Variants in RAD51B observed in about 807,000 individuals in gnomAD.
RAD51B encodes the protein RAD51 paralog B.
In RAD51B, 38 loss-of-function variants were observed where a neutral mutation model predicts 42.2. That is an observed-to-expected ratio of 0.90 (90% CI 0.70 to 1.18). RAD51B has a LOEUF of 1.18. Among genes scored for constraint, RAD51B ranks in the 50% most tolerant of loss-of-function variants. The probability of loss-of-function intolerance (pLI) is 0.00; values close to 1 mark genes in which losing one functional copy is unlikely to be tolerated. For missense variants in RAD51B, 373 were observed against 400.7 expected (o/e 0.93, Z 0.59); for synonymous variants, 154 against 145.2 (o/e 1.06, Z -0.43).
At chr14:68,626,471 T>A (rs1892084412) in intron 10 of RAD51B, among the ~76,000 whole-genome samples, 1 of 152,230 alleles carries the variant, frequency 6.6e-6, no homozygotes, top group Non-Finnish European at 1.5e-5. Flanking sequence ...TCACTCAGGA[T>A]GTCTTGCAGT....
intron 10 of RAD51B, among the ~76,000 whole-genome samples, chr14:68,581,104 T>C (rs944840427): frequency 6.6e-6 from 1 of 152,214 alleles, no homozygotes; most frequent in African/African-American, 2.4e-5. Flanking sequence ...TCAGGGTTTC[T>C]TTATTAAGTA....
At chr14:68,085,817 C>T (rs931512234) in intron 7 of RAD51B, among the ~76,000 whole-genome samples, 2 of 152,166 alleles carry the variant, frequency 1.3e-5, no homozygotes, top group Admixed American at 6.5e-5. Flanking sequence ...CCTTGCAGGG[C>T]GTGCCACAGT....
intron 8 of RAD51B, among the ~76,000 whole-genome samples, chr14:68,408,425 G>T (rs1473318404): frequency 2.0e-5 from 3 of 152,190 alleles, no homozygotes; most frequent in Admixed American, 2.0e-4. Context: ...TGCAGTTCTT[G>T]TGGTTAAAAG....
intron 7 of RAD51B, among the ~76,000 whole-genome samples, chr14:67,953,072 G>C (rs1223381759): frequency 1.3e-5 from 2 of 152,104 alleles, no homozygotes; most frequent in African/African-American, 4.8e-5. Flanking sequence ...TCTGTCCTCA[G>C]AGAACTTATC....
chr14:68,329,692 A>AT (rs1399008888), intron 8 of RAD51B, among the ~76,000 whole-genome samples: 2 of 152,288 alleles, frequency 1.3e-5, no homozygotes, highest in Non-Finnish European at 2.9e-5. Context: ...TGTTAAAAAT[A>AT]TTTTTTGGGC....
At chr14:67,884,557 C>T (rs1466590489) in intron 5 of RAD51B, among the ~76,000 whole-genome samples, 1 of 152,124 alleles carries the variant, frequency 6.6e-6, no homozygotes, top group African/African-American at 2.4e-5. Flanking sequence ...TTACACTTTT[C>T]CCCCAAACCC....
chr14:68,657,189 A>T (rs997333638), intron 11 of RAD51B, among the ~76,000 whole-genome samples: 18 of 152,132 alleles, frequency 1.2e-4, no homozygotes, highest in African/African-American at 4.3e-4. Flanking sequence ...GTGGCTAGTG[A>T]TATCCATATT....
chr14:68,420,909 A>G (rs1403093297), intron 9 of RAD51B, among the ~76,000 whole-genome samples: 1 of 152,238 alleles, frequency 6.6e-6, no homozygotes. Flanking sequence ...TAGGAATAAA[A>G]TGAGGTGCTA....
At chr14:68,124,314 G>C (rs1270443256) in intron 7 of RAD51B, among the ~76,000 whole-genome samples, 1 of 151,944 alleles carries the variant, frequency 6.6e-6, no homozygotes, top group East Asian at 1.9e-4. Context: ...GTAAGCCTTT[G>C]CATTCCTAAT....
At chr14:68,603,228 T>A (rs1368894103) in intron 10 of RAD51B, among the ~76,000 whole-genome samples, 2 of 152,316 alleles carry the variant, frequency 1.3e-5, no homozygotes, top group South Asian at 2.1e-4. Flanking sequence ...TCTTTATTGA[T>A]CCCTATATCA....
At position 67,864,999 on chromosome 14, in the gene RAD51B, T is replaced by TTTTTAA; in HGVS notation, c.316-3_316-2insTTTAAT. 3 of 1,256,494 alleles carry TTTTTAA rather than the reference T, an allele frequency of 2.4e-6. No individual in the cohort carries two copies. Among genetic ancestry groups the TTTTTAA allele is most frequent in the East Asian group, 3.1e-5 (1 of 32,046 alleles). The allele number at this position is 1,256,494 out of a possible 1,614,324, so 77.8% of individuals were successfully genotyped here. On this transcript the variant is annotated splice_region_variant and splice_polypyrimidine_tract_variant and intron_variant, in intron 4 of 10. Transcript: ENST00000471583. ...TTTTTTTTTTTTTTTTTTTTTTTTT[T>TTTTTAA]TAGATTACAGGTCCACCAGGTTGTG...
chr14:68,640,544 T>A (rs1440771987), intron 10 of RAD51B, among the ~76,000 whole-genome samples: 2 of 152,226 alleles, frequency 1.3e-5, no homozygotes, highest in African/African-American at 2.4e-5. Flanking sequence ...CCAAAATTCC[T>A]GCTCTCAAGA....
At chr14:68,338,259 A>G (rs1003991878) in intron 8 of RAD51B, among the ~76,000 whole-genome samples, 3 of 152,224 alleles carry the variant, frequency 2.0e-5, no homozygotes, top group Admixed American at 6.5e-5. Context: ...GGACCCAGGC[A>G]ACTAGTCCCT....
At chr14:68,288,340 C>T (rs1440557063) in intron 7 of RAD51B, among the ~76,000 whole-genome samples, 5 of 152,256 alleles carry the variant, frequency 3.3e-5, no homozygotes, top group African/African-American at 1.2e-4. Context: ...ATTAGCAAAG[C>T]CCTGAGTTTG....
At chr14:68,265,114 T>A (rs2080964738) in intron 7 of RAD51B, among the ~76,000 whole-genome samples, 1 of 152,232 alleles carries the variant, frequency 6.6e-6, no homozygotes, top group Non-Finnish European at 1.5e-5. Flanking sequence ...TAGGGCTTAC[T>A]ATTACCTTGA....
intron 10 of RAD51B, among the ~76,000 whole-genome samples, chr14:68,576,922 A>T (rs2140050759): frequency 6.6e-6 from 1 of 152,290 alleles, no homozygotes; most frequent in East Asian, 1.9e-4. Context: ...ATTGTGTTTT[A>T]TTTAGGAAAA....
At chr14:68,114,945 T>C (rs949218595) in intron 7 of RAD51B, among the ~76,000 whole-genome samples, 1 of 151,590 alleles carries the variant, frequency 6.6e-6, no homozygotes, top group African/African-American at 2.4e-5. Context: ...ACACTGTTGG[T>C]GGGACTGTAA....
intron 10 of RAD51B, among the ~76,000 whole-genome samples, chr14:68,618,508 A>G (rs1054256880): frequency 6.6e-6 from 1 of 152,210 alleles, no homozygotes; most frequent in East Asian, 1.9e-4. Flanking sequence ...TGCCTCTTCA[A>G]TGTGATTAAG....
intron 7 of RAD51B, among the ~76,000 whole-genome samples, chr14:68,197,319 CTTTCTTTTT>C (rs1165321225): frequency 1.3e-5 from 2 of 152,088 alleles, no homozygotes; most frequent in Admixed American, 1.3e-4. Flanking sequence ...TTCAGACGGC[CTTTCTTTTT>C]AGATTTATCC....
Sources: gnomAD v4.1 joint callset for allele counts (sites outside exome capture counted in the v4.1 genomes callset) on GRCh38, gnomAD v4.1.1 for gene constraint, MANE v1.5 for transcripts, NCBI Gene and HGNC (gene_info 2026-07-23, HGNC 2026-07-21) for gene names.